The following TNNI3K variants were observed in gnomAD, a reference collection of about 807,000 sequenced individuals.
TNNI3K encodes the protein serine/threonine-protein kinase TNNI3K.
A neutral mutation model predicts 114.5 loss-of-function variants in TNNI3K; 140 were observed. The observed-to-expected ratio is 1.22, with a 90% CI of 1.07 to 1.41. The LOEUF is 1.41. TNNI3K is among the 40% of genes most tolerant of loss of function. The probability of loss-of-function intolerance (pLI) is 0.00; values close to 1 mark genes in which losing one functional copy is unlikely to be tolerated. For synonymous variants in TNNI3K, 347 were observed against 347.5 expected, an observed-to-expected ratio of 1.00 and a Z score of 0.02; for missense variants, 1,125 against 1,007.6, an observed-to-expected ratio of 1.12 and a Z score of -1.58.
chr1:74,470,753 GCTCT>G, intron 21 of TNNI3K: 2 of 400,428 alleles, frequency 5.0e-6, no homozygotes, highest in East Asian at 7.1e-5. Context: ...CTTGAATTTT[GCTCT>G]CTGTGTTGTA....
intron 11 of TNNI3K, among the ~76,000 whole-genome samples, chr1:74,359,265 G>T (rs571707126): frequency 6.6e-6 from 1 of 152,158 alleles, no homozygotes; most frequent in East Asian, 1.9e-4. Context: ...TTAAGGATAA[G>T]ATTTAAGTGC....
intron 5 of TNNI3K, among the ~76,000 whole-genome samples, chr1:74,301,150 A>G (rs1658307042): frequency 6.6e-6 from 1 of 152,240 alleles, no homozygotes; most frequent in South Asian, 2.1e-4. Flanking sequence ...CTGTAATCCC[A>G]GCACTTTGGG....
intron 21 of TNNI3K, among the ~76,000 whole-genome samples, chr1:74,484,089 T>G (rs1266898374): frequency 6.6e-6 from 1 of 152,078 alleles, no homozygotes; most frequent in Non-Finnish European, 1.5e-5. Context: ...CTCTAAGTGT[T>G]TAGTAAATGT....
Position 74,297,800 on chromosome 1 carries a change from T to C in TNNI3K, c.444+26092T>C, listed in dbSNP as rs115944098. On this transcript the variant is annotated intron_variant, in intron 5 of 24. Transcript: ENST00000326637. Reference sequence around the variant, plus strand: ...TAAATAAAAGCTACATGGCCTTTTATGACCTAGCCTTGAAAGTCACATAGC... The same window carrying C: ...TAAATAAAAGCTACATGGCCTTTTACGACCTAGCCTTGAAAGTCACATAGC... Among the ~76,000 whole-genome samples the C allele has an allele frequency of 4.6e-3, 707 of 152,250 alleles. 3 individuals are homozygous for C. Among genetic ancestry groups the C allele is most frequent in the Admixed American group, 0.012 (176 of 15,284 alleles).
At chr1:74,249,382 T>G in intron 2 of TNNI3K, 77 bp from the exon 3 acceptor site, 1 of 1,434,470 alleles carries the variant, frequency 7.0e-7, no homozygotes, top group Non-Finnish European at 9.5e-7. Context: ...TAACAGGATT[T>G]GCATTTATAA....
In TNNI3K at chr1:74,438,317, G is replaced by A. The variant is rs370297650; in HGVS notation, c.1879-1173G>A. 2.0e-4 allele frequency among the ~76,000 whole-genome samples: 30 copies of A among 151,942 alleles called. No homozygotes were observed. The South Asian group carries it at 6.0e-3, about 31-fold the overall frequency. On this transcript the variant is annotated intron_variant, in intron 19 of 24. Coordinates refer to ENST00000326637, the MANE Select transcript of TNNI3K (RefSeq NM_015978.3). Reference sequence around the variant, plus strand: ...GCTCATGCAGAAGAATTGCATATGAGCACCATAATAAGAATAAAGATATTA... The same window carrying A: ...GCTCATGCAGAAGAATTGCATATGAACACCATAATAAGAATAAAGATATTA...
rs201061482 is a variant in TNNI3K, at chr1:74,249,502, G to T, written c.193G>T (p.Glu65Ter). 2.6e-4 allele frequency: 427 copies of T among 1,613,564 alleles called. 3 individuals are homozygous for T. In the South Asian group the frequency reaches 3.6e-3, roughly 13 times the overall value. ...FSKVNLNYRT[E>*]NGLSLLHLCC... ...TAAAGTCAATTTAAATTACCGCACT[G>T]AAAATGGGCTGTCTCTACTTCATTT... Residue 65 changes from glutamate (E) to a stop codon, truncating the protein, a stop_gained, in exon 3 of 25, where the codon GAA (glutamate) becomes TAA (stop). Coordinates refer to ENST00000326637, the MANE Select transcript of TNNI3K (RefSeq NM_015978.3). LOFTEE classifies it high-confidence loss of function.
chr1:74,522,946 T>G (rs1646453735), intron 23 of TNNI3K, among the ~76,000 whole-genome samples: 1 of 152,208 alleles, frequency 6.6e-6, no homozygotes, highest in Non-Finnish European at 1.5e-5. Flanking sequence ...CAAGCCCAAC[T>G]GCCCACTGGA....
At chr1:74,437,678 G>A (rs1666198071) in intron 19 of TNNI3K, among the ~76,000 whole-genome samples, 1 of 152,030 alleles carries the variant, frequency 6.6e-6, no homozygotes, top group East Asian at 2.0e-4. Flanking sequence ...ATGAGGTAAG[G>A]GAGGTGGGAA....
chr1:74,380,167 C>T (rs1663125834), intron 17 of TNNI3K, among the ~76,000 whole-genome samples: 1 of 152,110 alleles, frequency 6.6e-6, no homozygotes, highest in Non-Finnish European at 1.5e-5. Context: ...TCCCCAATCT[C>T]ACATCTTCTG....
At chr1:74,437,632 C>A (rs1412624655) in intron 19 of TNNI3K, among the ~76,000 whole-genome samples, 1 of 151,718 alleles carries the variant, frequency 6.6e-6, no homozygotes, top group Non-Finnish European at 1.5e-5. Flanking sequence ...ACTAACATGG[C>A]TGGAGTGAGG....
At chr1:74,471,222 T>A (rs1667918809) in intron 21 of TNNI3K, 1 of 400,718 alleles carries the variant, frequency 2.5e-6, no homozygotes, top group Non-Finnish European at 4.4e-6. Flanking sequence ...TAGTGTTTCG[T>A]TGATAATATG....
chr1:74,502,652 A>G (rs1220937693), intron 23 of TNNI3K, among the ~76,000 whole-genome samples: 1 of 152,190 alleles, frequency 6.6e-6, no homozygotes, highest in Admixed American at 6.5e-5. Context: ...CTAGTGGAAC[A>G]TACTTCCCTC....
chr1:74,487,506 G>C (rs980008235), intron 21 of TNNI3K, among the ~76,000 whole-genome samples: 1 of 152,172 alleles, frequency 6.6e-6, no homozygotes, highest in East Asian at 1.9e-4. Flanking sequence ...AGGCAGAATG[G>C]ATTCAATAAA....
chr1:74,421,510 A>G (rs1294058355), intron 17 of TNNI3K, among the ~76,000 whole-genome samples: 2 of 152,154 alleles, frequency 1.3e-5, no homozygotes, highest in Non-Finnish European at 1.5e-5. Flanking sequence ...AAAAAAGAAA[A>G]GCTATTTATT....
At chr1:74,475,757 G>T in intron 21 of TNNI3K, 1 of 644,720 alleles carries the variant, frequency 1.6e-6, no homozygotes, top group African/African-American at 1.8e-5. Flanking sequence ...GCTTTGCCTT[G>T]GTGGAGTTTC....
intron 21 of TNNI3K, chr1:74,475,434 C>G (rs550961569): frequency 2.0e-5 from 14 of 717,094 alleles, no homozygotes; most frequent in South Asian, 1.9e-4. Context: ...TTCCAGGAGG[C>G]TCTGAACATT....
intron 20 of TNNI3K, among the ~76,000 whole-genome samples, chr1:74,451,754 TTTCTTTTCTTTTC>T (rs1390862061): frequency 2.8e-4 from 7 of 24,682 alleles, no homozygotes; most frequent in African/African-American, 7.9e-4. Context: ...TTTCTTTTCT[TTTCTTTTCTTTTC>T]TTCTTTTCTT....
chr1:74,285,034 GA>G (rs1557474033), intron 5 of TNNI3K, among the ~76,000 whole-genome samples: 1 of 152,208 alleles, frequency 6.6e-6, no homozygotes, highest in Non-Finnish European at 1.5e-5. Context: ...TTTTTGTTCA[GA>G]AATATAAAGA....
Sources: gnomAD v4.1 joint callset for allele counts (sites outside exome capture counted in the v4.1 genomes callset) on GRCh38, gnomAD v4.1.1 for gene constraint, MANE v1.5 for transcripts, NCBI Gene and HGNC (gene_info 2026-07-23, HGNC 2026-07-21) for gene names.